DIAPH2: variants seen among roughly 807,000 people sequenced by gnomAD.
DIAPH2 encodes diaphanous related formin 2.
In DIAPH2, 35 loss-of-function variants were observed where a neutral mutation model predicts 92.7. That is an observed-to-expected ratio of 0.38 (90% CI 0.29 to 0.50). DIAPH2 has a LOEUF of 0.50. Ranked by LOEUF, DIAPH2 falls within the 20% of genes least tolerant of loss-of-function variation. DIAPH2 has a pLI of 0.94. For missense variants in DIAPH2, 701 were observed against 819.5 expected, an observed-to-expected ratio of 0.86 and a Z score of 1.77; for synonymous variants, 301 against 280.4, an observed-to-expected ratio of 1.07 and a Z score of -0.73.
intron 1 of DIAPH2, among the ~76,000 whole-genome samples, chrX:96,695,322 A>G (rs1246056851): frequency 6.2e-5 from 7 of 112,499 alleles, no homozygotes; most frequent in African/African-American, 2.3e-4. Context: ...GATTTTATCC[A>G]TGCTGGCAGT....
intron 4 of DIAPH2, among the ~76,000 whole-genome samples, chrX:96,805,222 T>A (rs77570189): frequency 8.9e-4 from 97 of 109,195 alleles, no homozygotes; most frequent in African/African-American, 3.1e-3. Context: ...CACACACACA[T>A]ACACACACAT....
chrX:97,161,051 GT>G (rs533317066), intron 22 of DIAPH2, among the ~76,000 whole-genome samples: 4,703 of 88,842 alleles, frequency 0.053, 103 homozygotes, highest in African/African-American at 0.086. Flanking sequence ...TTGTTTTTTT[GT>G]TTTTTTTTTT....
At position 97,374,924 on chromosome X, in the gene DIAPH2, C is replaced by T. The variant is rs148332798; in HGVS notation, c.3010-8985C>T. 2.8e-4 allele frequency among the ~76,000 whole-genome samples: 31 copies of T among 111,974 alleles called. No homozygotes were observed. The East Asian group carries it at 8.4e-3, about 30-fold the overall frequency. On this transcript the variant is annotated intron_variant, in intron 24 of 26. Transcript: ENST00000324765. ...GCTGAAAAACTCATCTTGACTCACA[C>T]TGTATCTTCCTACTTGTAACCTGAT...
chrX:97,430,568 A>G (rs921474314), intron 26 of DIAPH2, among the ~76,000 whole-genome samples: 1 of 112,731 alleles, frequency 8.9e-6, no homozygotes, highest in Non-Finnish European at 1.9e-5. Context: ...TATATGGAGA[A>G]GTAAATGAAA....
chrX:97,285,836 A>G (rs1201125958), intron 23 of DIAPH2, among the ~76,000 whole-genome samples: 3 of 110,549 alleles, frequency 2.7e-5, no homozygotes, highest in Non-Finnish European at 5.7e-5. Context: ...ACCTTAAGTG[A>G]TCTGCCTGCC....
intron 26 of DIAPH2, among the ~76,000 whole-genome samples, chrX:97,475,486 A>AGT (rs1392547836): frequency 1.8e-4 from 20 of 112,020 alleles, no homozygotes; most frequent in African/African-American, 5.5e-4. Context: ...TTTCTGCAGC[A>AGT]GACAAGGCCT....
chrX:97,130,734 A>G (rs1015751667), intron 21 of DIAPH2, among the ~76,000 whole-genome samples: 16 of 111,421 alleles, frequency 1.4e-4, no homozygotes, highest in African/African-American at 5.2e-4. Flanking sequence ...TGTGTGCTTA[A>G]ACATGGTTAA....
At chrX:97,324,730 T>C (rs2068935152) in intron 23 of DIAPH2, among the ~76,000 whole-genome samples, 1 of 112,046 alleles carries the variant, frequency 8.9e-6, no homozygotes, top group Admixed American at 9.5e-5. Context: ...GTATATTCTC[T>C]AGTCAGGTAA....
chrX:97,131,466 G>A (rs926407), intron 21 of DIAPH2, among the ~76,000 whole-genome samples: 6,811 of 111,199 alleles, frequency 0.061, 332 homozygotes, highest in Admixed American at 0.17. Flanking sequence ...CTTTAAATGC[G>A]ATTTATTATT....
chrX:97,078,170 T>C (rs2066717819), intron 19 of DIAPH2, among the ~76,000 whole-genome samples: 1 of 111,687 alleles, frequency 9.0e-6, no homozygotes, highest in Admixed American at 9.5e-5. Flanking sequence ...AAAATAAAAG[T>C]ATGTTCTATT....
chrX:96,714,913 A>G (rs894423471), intron 1 of DIAPH2, among the ~76,000 whole-genome samples: 3 of 111,605 alleles, frequency 2.7e-5, no homozygotes, highest in Non-Finnish European at 5.7e-5. Flanking sequence ...TTCAAACCCC[A>G]TTTTTTGTAT....
chrX:97,246,753 T>C (rs2068146042), intron 22 of DIAPH2, among the ~76,000 whole-genome samples: 1 of 112,271 alleles, frequency 8.9e-6, no homozygotes, highest in Admixed American at 9.5e-5. Context: ...TCTATTTGTG[T>C]TTCATGGTCC....
intron 22 of DIAPH2, among the ~76,000 whole-genome samples, chrX:97,192,955 A>C (rs2067666910): frequency 1.8e-5 from 2 of 109,293 alleles, no homozygotes. Context: ...ATAAAGCAAC[A>C]AATTCCCTCT....
intron 25 of DIAPH2, among the ~76,000 whole-genome samples, chrX:97,394,259 C>T (rs375551162): frequency 6.3e-4 from 70 of 111,587 alleles, no homozygotes; most frequent in African/African-American, 2.0e-3. Context: ...TCGGTACTAT[C>T]GTTCCGGCAT....
chrX:97,517,290 CA>C (rs2070956278), intron 26 of DIAPH2, among the ~76,000 whole-genome samples: 2 of 111,896 alleles, frequency 1.8e-5, no homozygotes, highest in African/African-American at 6.5e-5. Context: ...CATTTTTATA[CA>C]GGTGATGGTT....
intron 26 of DIAPH2, among the ~76,000 whole-genome samples, chrX:97,569,985 A>G (rs2071352937): frequency 1.0e-5 from 1 of 98,493 alleles, no homozygotes; most frequent in Non-Finnish European, 2.0e-5. Context: ...TTGGATTTCA[A>G]TTAAATAATT....
intron 16 of DIAPH2, among the ~76,000 whole-genome samples, chrX:96,962,494 CACAT>C (rs1161366757): frequency 0.011 from 205 of 18,418 alleles, 8 homozygotes; most frequent in Admixed American, 0.047. Context: ...CACACACACA[CACAT>C]ATATATATAT....
At chrX:96,818,504 T>C (rs757969832) in intron 4 of DIAPH2, among the ~76,000 whole-genome samples, 1 of 111,650 alleles carries the variant, frequency 9.0e-6, no homozygotes, top group East Asian at 2.8e-4. Context: ...CTGAATGGTA[T>C]ATTTAAGTAT....
chrX:97,094,977 A>G (rs1367196310), intron 19 of DIAPH2, among the ~76,000 whole-genome samples: 2 of 110,739 alleles, frequency 1.8e-5, no homozygotes, highest in Non-Finnish European at 3.8e-5. Flanking sequence ...GCCATATACC[A>G]TAAAAAAGTT....
Sources: gnomAD v4.1 joint callset for allele counts (sites outside exome capture counted in the v4.1 genomes callset) on GRCh38, gnomAD v4.1.1 for gene constraint, MANE v1.5 for transcripts, NCBI Gene and HGNC (gene_info 2026-07-23, HGNC 2026-07-21) for gene names.